The following MSH3 variants were observed in gnomAD, a reference collection of about 807,000 sequenced individuals.
MSH3 encodes mutS homolog 3.
Under a neutral mutation model 123.3 loss-of-function variants are expected in MSH3, and 106 were observed. That is an observed-to-expected ratio of 0.86 (90% CI 0.73 to 1.01). The LOEUF is 1.01. Among genes scored for constraint, MSH3 ranks in the 50% least tolerant of loss-of-function variants. MSH3 has a pLI of 0.00. For synonymous variants in MSH3, 515 were observed against 481.4 expected (o/e 1.07, Z -0.91); for missense variants, 1,459 against 1,347.6 (o/e 1.08, Z -1.29).
intron 20 of MSH3, among the ~76,000 whole-genome samples, chr5:80,815,090 A>T (rs1201344745): frequency 6.6e-6 from 1 of 152,260 alleles, no homozygotes; most frequent in African/African-American, 2.4e-5. Context: ...ATCAGAATAT[A>T]TCACATGCTA....
intron 12 of MSH3, among the ~76,000 whole-genome samples, chr5:80,748,791 A>G (rs891789112): frequency 6.6e-6 from 1 of 151,844 alleles, no homozygotes; most frequent in Non-Finnish European, 1.5e-5. Context: ...CTGCTTGTAA[A>G]TATTGGTAGA....
intron 12 of MSH3, 35 bp downstream of exon 12, chr5:80,744,650 A>G: frequency 6.7e-7 from 1 of 1,494,300 alleles, no homozygotes; most frequent in Non-Finnish European, 9.3e-7. Context: ...TTTAATCTGA[A>G]ATTATAAAAT....
At chr5:80,864,998 A>G (rs925254926) in intron 22 of MSH3, 56 bp downstream of exon 22, 5 of 1,553,380 alleles carry the variant, frequency 3.2e-6, no homozygotes, top group African/African-American at 1.4e-5. Context: ...TGATAACTCA[A>G]AGTTTGTTGG....
At chr5:80,872,004 C>G (rs538633297) in intron 22 of MSH3, among the ~76,000 whole-genome samples, 1 of 152,244 alleles carries the variant, frequency 6.6e-6, no homozygotes, top group South Asian at 2.1e-4. Flanking sequence ...GGCCAGCAAT[C>G]TTTCTGACAG....
At chr5:80,778,103 C>A (rs1744337454) in intron 16 of MSH3, among the ~76,000 whole-genome samples, 1 of 152,122 alleles carries the variant, frequency 6.6e-6, no homozygotes, top group African/African-American at 2.4e-5. Flanking sequence ...CATGGCATCC[C>A]CTGTTGTGCT....
intron 8 of MSH3, among the ~76,000 whole-genome samples, chr5:80,696,368 G>T (rs886111221): frequency 1.1e-4 from 16 of 152,178 alleles, no homozygotes; most frequent in African/African-American, 3.9e-4. Context: ...TTGCTAGCAT[G>T]GGTGGGACCA....
intron 21 of MSH3, among the ~76,000 whole-genome samples, chr5:80,860,866 T>C (rs1007556278): frequency 6.6e-6 from 1 of 152,232 alleles, no homozygotes; most frequent in Admixed American, 6.5e-5. Context: ...CTAGTCTTTT[T>C]CTGTTTGCAT....
intron 8 of MSH3, among the ~76,000 whole-genome samples, chr5:80,683,265 T>G (rs1750013421): frequency 6.6e-6 from 1 of 152,162 alleles, no homozygotes; most frequent in Non-Finnish European, 1.5e-5. Flanking sequence ...ATTTTTAGTT[T>G]TTTGGTAGTT....
intron 21 of MSH3, among the ~76,000 whole-genome samples, chr5:80,854,888 T>G (rs948384556): frequency 6.6e-6 from 1 of 152,190 alleles, no homozygotes; most frequent in Non-Finnish European, 1.5e-5. Context: ...GTACCATCCA[T>G]CTACAGCCAA....
At chr5:80,806,028 A>G (rs564300900) in intron 19 of MSH3, among the ~76,000 whole-genome samples, 2 of 149,450 alleles carry the variant, frequency 1.3e-5, no homozygotes, top group South Asian at 2.3e-4. Flanking sequence ...ATATTCTCCT[A>G]TAATTTTTTA....
At chr5:80,710,932 G>T (rs559679024) in intron 8 of MSH3, among the ~76,000 whole-genome samples, 54 of 152,070 alleles carry the variant, frequency 3.6e-4, no homozygotes, top group African/African-American at 1.2e-3. Flanking sequence ...GTTGCACGCT[G>T]ATCCTCTTAG....
At chr5:80,665,513 T>A in intron 3 of MSH3, 150 bp downstream of exon 3, 1 of 661,252 alleles carries the variant, frequency 1.5e-6, no homozygotes, top group Non-Finnish European at 2.6e-6. Flanking sequence ...TTAGTTTAGT[T>A]TTCTTACATC....
intron 8 of MSH3, among the ~76,000 whole-genome samples, chr5:80,719,664 C>T (rs1751041481): frequency 6.6e-6 from 1 of 152,128 alleles, no homozygotes; most frequent in Admixed American, 6.6e-5. Flanking sequence ...CGTTTCTTCC[C>T]CATTTATTTC....
intron 19 of MSH3, among the ~76,000 whole-genome samples, chr5:80,807,743 C>G (rs557913418): frequency 2.0e-5 from 3 of 152,328 alleles, no homozygotes; most frequent in South Asian, 4.1e-4. Context: ...CCTGGCAGTG[C>G]AGGGCACCAG....
intron 13 of MSH3, among the ~76,000 whole-genome samples, chr5:80,764,555 G>A (rs1008163308): frequency 1.1e-4 from 17 of 150,482 alleles, no homozygotes; most frequent in Admixed American, 1.0e-3. Context: ...TAGAGACAAG[G>A]TGTTGCCATG....
intron 13 of MSH3, among the ~76,000 whole-genome samples, chr5:80,762,828 A>ATGTTATGTT (rs1428049282): frequency 1.4e-5 from 2 of 145,430 alleles, no homozygotes; most frequent in African/African-American, 5.3e-5. Context: ...ATGTTATGTT[A>ATGTTATGTT]TGTTATTTTA....
chr5:80,822,722 A>G (rs1332761702), intron 20 of MSH3, among the ~76,000 whole-genome samples: 1 of 152,200 alleles, frequency 6.6e-6, no homozygotes, highest in Non-Finnish European at 1.5e-5. Context: ...TAGAATTGAG[A>G]ATCCAGGAAC....
intron 12 of MSH3, among the ~76,000 whole-genome samples, chr5:80,753,428 G>A (rs1743871088): frequency 6.6e-6 from 1 of 152,186 alleles, no homozygotes; most frequent in Non-Finnish European, 1.5e-5. Context: ...AGTAGGTAGA[G>A]TCTTTTATGG....
chr5:80,858,939 A>G (rs1231049982), intron 21 of MSH3, among the ~76,000 whole-genome samples: 1 of 152,168 alleles, frequency 6.6e-6, no homozygotes, highest in Non-Finnish European at 1.5e-5. Context: ...CATAAGACAT[A>G]ATATCCTTTA....
Sources: gnomAD v4.1 joint callset for allele counts (sites outside exome capture counted in the v4.1 genomes callset) on GRCh38, gnomAD v4.1.1 for gene constraint, MANE v1.5 for transcripts, NCBI Gene and HGNC (gene_info 2026-07-23, HGNC 2026-07-21) for gene names.